Variants in SCAF11 observed in about 807,000 individuals in gnomAD.
The protein encoded by SCAF11 is protein SCAF11.
A neutral mutation model predicts 140.5 loss-of-function variants in SCAF11; 47 were observed. That is an observed-to-expected ratio of 0.33 (90% CI 0.26 to 0.43). The LOEUF is 0.43. SCAF11 is among the 20% of genes least tolerant of loss of function. The probability of loss-of-function intolerance (pLI) is 1.00; values close to 1 mark genes in which losing one functional copy is unlikely to be tolerated. For synonymous variants in SCAF11, 557 were observed against 579.4 expected (o/e 0.96, Z 0.55); for missense variants, 1,645 against 1,705.1 (o/e 0.96, Z 0.62).
intron 3 of SCAF11, chr12:45,955,503 C>G (rs1945666716): frequency 6.6e-6 from 1 of 152,528 alleles, no homozygotes; most frequent in Admixed American, 6.5e-5. Flanking sequence ...TTATATCCAG[C>G]AGATATCTAT....
At chr12:45,981,124 C>A (rs1454657646) in intron 1 of SCAF11, among the ~76,000 whole-genome samples, 2 of 152,104 alleles carry the variant, frequency 1.3e-5, no homozygotes, top group Non-Finnish European at 1.5e-5. Flanking sequence ...CGGATTATCA[C>A]CTAAATGTAA....
intron 6 of SCAF11, among the ~76,000 whole-genome samples, chr12:45,940,005 T>C (rs1269816059): frequency 1.3e-5 from 2 of 152,226 alleles, no homozygotes; most frequent in Non-Finnish European, 2.9e-5. Flanking sequence ...CAAGCTGTCT[T>C]TTCTGTTGCG....
rs914943858 is a variant in SCAF11 at position 45,926,875 on chromosome 12, G to C, written c.2826C>G (p.Pro942=). ...WSRSRSHSRS[P]SRCRTKSKSS... is the part of the protein sequence containing the mutation. Reference sequence around the variant, plus strand: ...TCTTACTTTTTGTTCTACATCTTGAGGGGGACCTAGAATGAGATCTGGACC... The same window carrying C: ...TCTTACTTTTTGTTCTACATCTTGACGGGGACCTAGAATGAGATCTGGACC... The change falls in exon 11 of 15, where the codon CCC becomes CCG. Residue 942 remains proline, a synonymous_variant. Coordinates refer to ENST00000369367, the MANE Select transcript of SCAF11 (RefSeq NM_004719.3). The C allele has an allele frequency of 1.9e-6, 3 of 1,613,760 alleles. No individual in the cohort carries two copies. The African/African-American group carries it at 4.0e-5, about 22-fold the overall frequency.
In SCAF11 at chr12:45,931,342, G is replaced by A. The variant is rs965334906; in HGVS notation, c.841+164C>T. 1.9e-5 allele frequency: 8 copies of A among 412,136 alleles called. No individual in the cohort carries two copies. In the Admixed American group the frequency reaches 2.2e-4, roughly 12 times the overall value. The allele number at this position is 412,136 out of a possible 1,614,324, so 25.5% of individuals were successfully genotyped here. A position where few individuals can be genotyped will look rare whatever the true frequency, so the allele number is the denominator to read the frequency against. ...TATATATACATACACTCTAGTTGAA[G>A]CAATTCTAAAGTTAAGTCATTGTCC... On this transcript the variant is annotated intron_variant, in intron 10 of 14. Transcript: ENST00000369367.
intron 1 of SCAF11, among the ~76,000 whole-genome samples, chr12:45,979,539 C>T (rs1214221902): frequency 1.3e-5 from 2 of 152,134 alleles, no homozygotes; most frequent in South Asian, 2.1e-4. Flanking sequence ...GTTACTCTTT[C>T]GTTGGTTTCT....
Position 45,934,468 on chromosome 12 carries a change from A to G in SCAF11, c.501T>C (p.Asn167=), listed in dbSNP as rs541528297. 1.9e-5 allele frequency: 30 copies of G among 1,595,344 alleles called. No homozygotes were observed. In the East Asian group the frequency reaches 4.0e-4, roughly 21 times the overall value. The part of the protein sequence containing the change: ...SLYSETGGKK[N]AAIKINKPQR... Reference sequence around the variant, plus strand: ...AAACCTTATTTATCTTTATTGCTGCATTTTTCTTTCCTCCTGTTTCACTGT... The same window carrying G: ...AAACCTTATTTATCTTTATTGCTGCGTTTTTCTTTCCTCCTGTTTCACTGT... Residue 167 remains asparagine (N), a synonymous_variant, in exon 7 of 15, where the codon AAT becomes AAC. Coordinates refer to ENST00000369367, the MANE Select transcript of SCAF11 (RefSeq NM_004719.3).
rs1053299075 is a variant in SCAF11 at position 45,973,026 on chromosome 12, A to G, written c.-21-8838T>C. 7.5e-5 allele frequency among the ~76,000 whole-genome samples: 11 copies of G among 146,726 alleles called. No individual in the cohort carries two copies. In the Admixed American group the frequency reaches 7.5e-4, roughly 10 times the overall value. On this transcript the variant is annotated intron_variant, in intron 1 of 14. Transcript: ENST00000369367. ...GATATATATATAGATATATAGATATATAGATATAGATATATAGATATATCC... is the reference window on the plus strand; with the variant it reads ...GATATATATATAGATATATAGATATGTAGATATAGATATATAGATATATCC...
chr12:45,924,008 A>G (rs1428473610), intron 12 of SCAF11, among the ~76,000 whole-genome samples: 1 of 151,648 alleles, frequency 6.6e-6, no homozygotes, highest in African/African-American at 2.4e-5. Flanking sequence ...TTGCCACCAC[A>G]CCCGGCTAAT....
At chr12:45,957,128 G>A (rs1945708974) in intron 3 of SCAF11, among the ~76,000 whole-genome samples, 1 of 152,126 alleles carries the variant, frequency 6.6e-6, no homozygotes, top group African/African-American at 2.4e-5. Flanking sequence ...AATTATAAAT[G>A]ACTAATGTTA....
intron 6 of SCAF11, among the ~76,000 whole-genome samples, chr12:45,938,637 T>C (rs1592180454): frequency 1.3e-5 from 2 of 152,090 alleles, no homozygotes; most frequent in African/African-American, 4.8e-5. Flanking sequence ...TTTATTTATG[T>C]TAATTCAGCA....
At chr12:45,946,135 CCT>C (rs772554060) in intron 5 of SCAF11, among the ~76,000 whole-genome samples, 24 of 152,178 alleles carry the variant, frequency 1.6e-4, no homozygotes, top group Non-Finnish European at 2.4e-4. Flanking sequence ...TAGTTTCACT[CCT>C]CACTCAGTTA....
At chr12:45,985,169 G>A (rs1946433499) in intron 1 of SCAF11, among the ~76,000 whole-genome samples, 1 of 152,038 alleles carries the variant, frequency 6.6e-6, no homozygotes, top group Non-Finnish European at 1.5e-5. Flanking sequence ...ACCATGAATT[G>A]GTACCAATTT....
At chr12:45,961,179 T>A in intron 3 of SCAF11, 1 of 593,308 alleles carries the variant, frequency 1.7e-6, no homozygotes. Flanking sequence ...CTTCTGCCTC[T>A]TAAACTATGA....
Position 45,925,080 on chromosome 12 carries a change from A to C in SCAF11, c.3560-6T>G, listed in dbSNP as rs1565656647. The C allele has an allele frequency of 1.3e-6, 2 of 1,583,694 alleles. No individual in the cohort carries two copies. Among genetic ancestry groups the C allele is most frequent in the South Asian group, 2.3e-5 (2 of 88,258 alleles). On this transcript the variant is annotated splice_region_variant and splice_polypyrimidine_tract_variant and intron_variant, in intron 11 of 14. Coordinates refer to ENST00000369367, the MANE Select transcript of SCAF11 (RefSeq NM_004719.3). ...TTGGTCTTTTAGGCTAGAATCTATC[A>C]AAAGAAAAAAAGCTTGTGAAAAAAA...
chr12:45,987,759 G>A (rs1043512033), intron 1 of SCAF11, among the ~76,000 whole-genome samples: 1 of 152,130 alleles, frequency 6.6e-6, no homozygotes, highest in Non-Finnish European at 1.5e-5. Flanking sequence ...TGACTGAGAA[G>A]GGAAGCCATT....
At chr12:45,934,346 A>G in intron 7 of SCAF11, 61 bp from the exon 8 acceptor site, 1 of 1,366,152 alleles carries the variant, frequency 7.3e-7, no homozygotes, top group Non-Finnish European at 1.0e-6. Context: ...TAATAGTTAT[A>G]CTTAAATATT....
In SCAF11 at chr12:45,927,106, C is replaced by A. The variant is rs1439633208; in HGVS notation, c.2595G>T (p.Arg865=). 1.2e-6 allele frequency: 2 copies of A among 1,613,972 alleles called. No homozygotes were observed. Among genetic ancestry groups the A allele is most frequent in the Non-Finnish European group, 1.7e-6 (2 of 1,180,002 alleles). ...IARERRQSQS[R]SPKRDTTRES... ...CCCTAGTAGTATCCCTTTTTGGAGA[C>A]CGAGACTGAGATTGCCTCCTTTCTC... is the stretch of plus-strand genomic sequence containing the variant. Residue 865 remains arginine (R), a synonymous_variant, in exon 11 of 15, where the codon CGG becomes CGT. Coordinates refer to ENST00000369367, the MANE Select transcript of SCAF11 (RefSeq NM_004719.3).
chr12:45,944,858 T>C (rs964031428), intron 6 of SCAF11, among the ~76,000 whole-genome samples: 2 of 152,226 alleles, frequency 1.3e-5, no homozygotes, highest in South Asian at 4.1e-4. Context: ...GAACTGTGAA[T>C]TACTTTCTTG....
At chr12:45,966,671 C>G (rs1402353147) in intron 1 of SCAF11, among the ~76,000 whole-genome samples, 2 of 151,896 alleles carry the variant, frequency 1.3e-5, no homozygotes, top group Non-Finnish European at 2.9e-5. Flanking sequence ...TGCTTCCAGG[C>G]TAAGCATTCT....
Sources: allele counts gnomAD v4.1 joint callset (sites outside exome capture counted in the v4.1 genomes callset), GRCh38; gene constraint gnomAD v4.1.1; transcripts MANE v1.5; gene names NCBI Gene and HGNC (gene_info 2026-07-23, HGNC 2026-07-21).